Variants in XAB2 observed in about 807,000 individuals in gnomAD.
The protein encoded by XAB2 is XPA binding protein 2.
A neutral mutation model predicts 113.4 loss-of-function variants in XAB2; 57 were observed. The ratio of observed to expected loss-of-function variants is 0.50; its 90% CI spans 0.41 to 0.63. XAB2 has a LOEUF of 0.63. XAB2 is among the 20% of genes least tolerant of loss of function. The probability of loss-of-function intolerance (pLI) is 0.00; values close to 1 mark genes in which losing one functional copy is unlikely to be tolerated. For synonymous variants in XAB2, 497 were observed against 498.8 expected (o/e 1.00, Z 0.05); for missense variants, 1,037 against 1,233.3 (o/e 0.84, Z 2.38).
chr19:7,621,212 T>C lies in XAB2; in HGVS notation c.1703A>G (p.Tyr568Cys), dbSNP rs1308892088. 2.5e-6 allele frequency: 4 copies of C among 1,611,774 alleles called. No individual in the cohort carries two copies. The South Asian group carries it at 3.3e-5, about 13-fold the overall frequency. The stretch of plus-strand genomic sequence containing the variant: ...TGCCCGCTCCAGCTTGCGGCCCCCA[T>C]AGCGGGCAATGAATTTGGTCAGGTA... ...STYLTKFIAR[Y>C]GGRKLERARD... is the part of the protein sequence containing the mutation. Residue 568 changes from tyrosine (Y) to cysteine (C), a missense_variant, in exon 13 of 19, where the codon TAT becomes TGT. Transcript: ENST00000358368.
intron 10 of XAB2, 21 bp downstream of exon 10, chr19:7,622,741 A>G: frequency 6.2e-7 from 1 of 1,613,470 alleles, no homozygotes; most frequent in South Asian, 1.1e-5. Flanking sequence ...CCCCCACCCC[A>G]CAGCCTGGGC....
In XAB2 at chr19:7,622,379, G is replaced by A; in HGVS notation, c.1569C>T (p.Asn523=). Residue 523 remains asparagine (N), a synonymous_variant, in exon 12 of 19, where the codon AAC becomes AAT. Transcript: ENST00000358368. The part of the protein sequence containing the change: ...LRIATPQIVI[N]YAMFLEEHKY... ...TGTGCTCCTCCAGGAACATGGCATA[G>A]TTGATGACGATCTGGGGTGTTGCGA... The A allele has an allele frequency of 2.5e-6, 4 of 1,614,218 alleles. No individual in the cohort carries two copies. The highest frequency in any genetic ancestry group is 3.4e-6 in the Non-Finnish European group (4 of 1,180,044).
At position 7,625,875 on chromosome 19, in the gene XAB2, T is replaced by A. The variant is rs768960130; in HGVS notation, c.822+5A>T. 6.2e-7 allele frequency: 1 copy of A among 1,600,516 alleles called. No homozygotes were observed. Among genetic ancestry groups the A allele is most frequent in the Non-Finnish European group, 8.5e-7 (1 of 1,170,774 alleles). ...GAACCCAGAGCCCCGTGTGCCAGCATGCACCTTCTCGAAATGGCCGCTGCG... is the reference window on the plus strand; with the variant it reads ...GAACCCAGAGCCCCGTGTGCCAGCAAGCACCTTCTCGAAATGGCCGCTGCG... On this transcript the variant is annotated splice_donor_5th_base_variant and intron_variant, in intron 6 of 18. Transcript: ENST00000358368. This position sits in a 1 kb window ranked among gnomAD's most constrained non-coding sequence, Gnocchi z 5.2.
At position 7,625,751 on chromosome 19, in the gene XAB2, T is replaced by C; in HGVS notation, c.822+129A>G. 7.7e-7 allele frequency: 1 copy of C among 1,302,038 alleles called. No individual in the cohort carries two copies. The highest frequency in any genetic ancestry group is 1.0e-6 in the Non-Finnish European group (1 of 970,612). The allele number at this position is 1,302,038 out of a possible 1,614,324, so 80.7% of individuals were successfully genotyped here. On this transcript the variant is annotated intron_variant, in intron 6 of 18. Coordinates refer to ENST00000358368, the MANE Select transcript of XAB2 (RefSeq NM_020196.3). This position sits in a 1 kb window ranked among gnomAD's most constrained non-coding sequence, Gnocchi z 5.2. ...GCCTCGGCCTCCCAAAGTGCTGGGA[T>C]GACAGGTGTGAGCCACCACACCCAG... is the stretch of plus-strand genomic sequence containing the variant.
At chr19:7,626,350 T>TCC in intron 4 of XAB2, 80 bp from the exon 5 acceptor site, 1 of 1,546,288 alleles carries the variant, frequency 6.5e-7, no homozygotes. Context: ...CTTCGGGGCG[T>TCC]CCCCCCCCAC....
chr19:7,623,924 A>G lies in XAB2; in HGVS notation c.968-42T>C. ...TGTTTGTCAGGGGCGGAGACCCAGG[A>G]TGCAGGTCCCCGGATGCCACCGCCT... On this transcript the variant is annotated intron_variant, in intron 7 of 18. Transcript: ENST00000358368. The surrounding 1 kb of genome is among the most constrained non-coding windows in gnomAD (Gnocchi z 4.6). 8.0e-6 allele frequency: 12 copies of G among 1,501,662 alleles called. No individual in the cohort carries two copies. Among genetic ancestry groups the G allele is most frequent in the Non-Finnish European group, 1.1e-5 (12 of 1,127,134 alleles). The allele number at this position is 1,501,662 out of a possible 1,614,324, so 93.0% of individuals were successfully genotyped here.
intron 5 of XAB2, 31 bp downstream of exon 5, chr19:7,626,105 C>T (rs377735772): frequency 2.5e-6 from 4 of 1,612,512 alleles, no homozygotes; most frequent in African/African-American, 2.7e-5. Context: ...GGTGGCCCTC[C>T]CACCCAGTTG....
At chr19:7,622,091 C>T (rs1030951925) in intron 12 of XAB2, 2 of 491,902 alleles carry the variant, frequency 4.1e-6, no homozygotes, top group East Asian at 7.3e-5. Context: ...CACACAAAGA[C>T]ATAGGGAGAA....
At chr19:7,621,723 G>T (rs1599370709) in intron 12 of XAB2, 1 of 190,154 alleles carries the variant, frequency 5.3e-6, no homozygotes, top group East Asian at 1.4e-4. Context: ...ACTCAAACAT[G>T]ACTGCTCCGG....
Position 7,623,154 on chromosome 19 carries a change from G to A in XAB2, c.1239+16C>T, listed in dbSNP as rs770112988. The A allele has an allele frequency of 5.7e-5, 92 of 1,612,378 alleles. No homozygotes were observed. Among genetic ancestry groups the A allele is most frequent in the Non-Finnish European group, 6.2e-5 (73 of 1,179,488 alleles). On this transcript the variant is annotated intron_variant, in intron 9 of 18. Coordinates refer to ENST00000358368, the MANE Select transcript of XAB2 (RefSeq NM_020196.3). This position sits in a 1 kb window ranked among gnomAD's most constrained non-coding sequence, Gnocchi z 4.6. ...CACATGCATGAACACACAGGCACAC[G>A]CAACAGGGTGCTCACATCGTCCAGC... is the stretch of plus-strand genomic sequence containing the variant.
Position 7,626,295 on chromosome 19 carries a change from C to A in XAB2, c.523-25G>T, listed in dbSNP as rs762083496. ...GCTGGGGACCGAGCCACCCCTCAGGCAGTCAGTGGGGTGGCAGGGCTACGC... is the reference window on the plus strand; with the variant it reads ...GCTGGGGACCGAGCCACCCCTCAGGAAGTCAGTGGGGTGGCAGGGCTACGC... On this transcript the variant is annotated intron_variant, in intron 4 of 18. Coordinates refer to ENST00000358368, the MANE Select transcript of XAB2 (RefSeq NM_020196.3). The A allele has an allele frequency of 6.3e-6, 10 of 1,597,892 alleles. No homozygotes were observed. The Admixed American group carries it at 1.2e-4, about 19-fold the overall frequency.
At chr19:7,626,453 C>T (rs1373915787) in intron 4 of XAB2, among the ~76,000 whole-genome samples, 183 bp from the exon 5 acceptor site, 1 of 152,174 alleles carries the variant, frequency 6.6e-6, no homozygotes, top group Non-Finnish European at 1.5e-5. Flanking sequence ...AGCCTTGGCC[C>T]CACTGGGTTA....
Position 7,627,293 on chromosome 19 carries a change from A to G in XAB2, c.472T>C (p.Ser158Pro), listed in dbSNP as rs377180827. The change falls in exon 4 of 19, where the codon TCA becomes CCA. Residue 158 changes from serine (S) to proline (P), a missense_variant. Transcript: ENST00000358368. The surrounding 1 kb of genome is among the most constrained non-coding windows in gnomAD (Gnocchi z 4.5). The part of the protein sequence containing the change: ...IWPLYLRFLR[S>P]HPLPETAVRG... ...ACAGCTGTCTCAGGCAGTGGGTGTG[A>G]GCGCAGGAAGCGCAGATACAGGGGC... 100 of 1,613,612 alleles carry G rather than the reference A, an allele frequency of 6.2e-5. 1 individual carries two copies. The highest frequency in any genetic ancestry group is 8.1e-5 in the Non-Finnish European group (95 of 1,180,038).
intron 9 of XAB2, 102 bp from the exon 10 acceptor site, chr19:7,622,995 AACACACAGGCACAC>A (rs2031067205): frequency 1.3e-6 from 2 of 1,554,070 alleles, no homozygotes; most frequent in Non-Finnish European, 1.7e-6. Flanking sequence ...TACAGGCACA[AACACACAGGCACAC>A]ACACAGGCAC....
At chr19:7,621,519 GCA>G (rs2031033894) in intron 12 of XAB2, 1 of 579,030 alleles carries the variant, frequency 1.7e-6, no homozygotes, top group Non-Finnish European at 3.1e-6. Context: ...GACCTGCTAA[GCA>G]CAGTCTGGCC....
Position 7,623,319 on chromosome 19 carries a change from G to T in XAB2, c.1120-30C>A, listed in dbSNP as rs2031075138. The T allele has an allele frequency of 6.2e-7, 1 of 1,608,244 alleles. No individual in the cohort carries two copies. The highest frequency in any genetic ancestry group is 1.1e-5 in the South Asian group (1 of 91,010). On this transcript the variant is annotated intron_variant, in intron 8 of 18. Coordinates refer to ENST00000358368, the MANE Select transcript of XAB2 (RefSeq NM_020196.3). This position sits in a 1 kb window ranked among gnomAD's most constrained non-coding sequence, Gnocchi z 4.6. ...GGACAGGAGGGAGGAGGTCATATAG[G>T]ACTCAGGACCCTGCAGATGACGGTC...
At position 7,625,787 on chromosome 19, in the gene XAB2, C is replaced by T. The variant is rs981489217; in HGVS notation, c.822+93G>A. 9 of 1,484,038 alleles carry T rather than the reference C, an allele frequency of 6.1e-6. No individual in the cohort carries two copies. In the East Asian group the frequency reaches 2.1e-4, roughly 34 times the overall value. 91.9% of individuals were successfully genotyped at this position (1,484,038 alleles called of 1,614,324 possible). Reference sequence around the variant, plus strand: ...AGCCACCACACCCAGCCATAAATGGCATGTTTTCTGCCTGTGCATGTGTCA... The same window carrying T: ...AGCCACCACACCCAGCCATAAATGGTATGTTTTCTGCCTGTGCATGTGTCA... On this transcript the variant is annotated intron_variant, in intron 6 of 18. Coordinates refer to ENST00000358368, the MANE Select transcript of XAB2 (RefSeq NM_020196.3). The surrounding 1 kb of genome is among the most constrained non-coding windows in gnomAD (Gnocchi z 5.2).
rs2031093297 is a variant in XAB2, at chr19:7,624,204, G to A, written c.967+97C>T. ...CCTCCTTCCCTGCTGGCCCCCAGCT[G>A]AGCCTCCCAGGGCTGCCTCACCTGA... is the stretch of plus-strand genomic sequence containing the variant. On this transcript the variant is annotated intron_variant, in intron 7 of 18. Transcript: ENST00000358368. The surrounding 1 kb of genome is among the most constrained non-coding windows in gnomAD (Gnocchi z 4.2). 1.9e-6 allele frequency: 3 copies of A among 1,572,542 alleles called. No homozygotes were observed. The highest frequency in any genetic ancestry group is 2.7e-5 in the African/African-American group (2 of 74,318).
rs982987230 is a variant in XAB2, at chr19:7,622,380, T to C, written c.1568A>G (p.Asn523Ser). 1.2e-6 allele frequency: 2 copies of C among 1,614,220 alleles called. No homozygotes were observed. Among genetic ancestry groups the C allele is most frequent in the African/African-American group, 2.7e-5 (2 of 75,054 alleles). Residue 523 changes from asparagine to serine, a missense_variant, in exon 12 of 19, where the codon AAC (asparagine) becomes AGC (serine). By Grantham distance (46) the Asn-to-Ser change is conservative (BLOSUM62 1). Coordinates refer to ENST00000358368, the MANE Select transcript of XAB2 (RefSeq NM_020196.3). ...LRIATPQIVINYAMFLEEHKY... is the reference protein window; with the variant it reads ...LRIATPQIVISYAMFLEEHKY... ...GTGCTCCTCCAGGAACATGGCATAG[T>C]TGATGACGATCTGGGGTGTTGCGAT...
Sources: allele counts gnomAD v4.1 joint callset (sites outside exome capture counted in the v4.1 genomes callset), GRCh38; gene constraint gnomAD v4.1.1; non-coding constraint Gnocchi (gnomAD v3.1); transcripts MANE v1.5; gene names NCBI Gene and HGNC (gene_info 2026-07-23, HGNC 2026-07-21).